The following NPIPA8 variants were observed in gnomAD, a reference collection of about 807,000 sequenced individuals.
NPIPA8 encodes the protein nuclear pore complex-interacting protein family member A8.
In NPIPA8, 1 loss-of-function variant was observed where a neutral mutation model predicts 7.1. The ratio of observed to expected loss-of-function variants is 0.14; its 90% confidence interval spans 0.05 to 0.66. The LOEUF (loss-of-function observed/expected upper bound fraction) is 0.66. NPIPA8 is among the 30% of genes least tolerant of loss of function. The pLI is 0.84.
upstream of NPIPA8, among the ~76,000 whole-genome samples, chr16:18,336,145 G>T (rs1282660981): frequency 1.4e-3 from 156 of 111,894 alleles, no homozygotes; most frequent in African/African-American, 5.6e-3. Flanking sequence ...TATATAGATG[G>T]GGTCTTGCTA....
At chr16:18,323,851 G>GAGAA (rs1900056931) in intron 4 of NPIPA8, among the ~76,000 whole-genome samples, 1 of 88,462 alleles carries the variant, frequency 1.1e-5, no homozygotes, top group African/African-American at 3.7e-5. Context: ...AAAAAAAAGA[G>GAGAA]AAAGGAAAAC....
rs532745013 is a variant in NPIPA8, at chr16:18,324,783, G to A, written c.193-285C>T. The stretch of plus-strand genomic sequence containing the variant: ...CACACCACTGCACTCCAGCCTGAGC[G>A]ACAGAATGAGACTCTGTCACACACA... On this transcript the variant is annotated intron_variant, in intron 2 of 7. Transcript: ENST00000541810. Among the ~76,000 whole-genome samples, 5 of 66,544 alleles carry A rather than the reference G, an allele frequency of 7.5e-5. 1 individual carries two copies. Among genetic ancestry groups the A allele is most frequent in the South Asian group, 9.4e-4 (2 of 2,126 alleles). The allele number at this position is 66,544 out of a possible 152,430, so 43.7% of individuals were successfully genotyped here.
chr16:18,335,603 C>T (rs1900159064), upstream of NPIPA8, among the ~76,000 whole-genome samples: 3 of 107,410 alleles, frequency 2.8e-5, no homozygotes, highest in Admixed American at 2.5e-4. Context: ...TATGCGCCTT[C>T]TCTGTGTGCT....
chr16:18,335,873 T>C (rs1900168738), upstream of NPIPA8, among the ~76,000 whole-genome samples: 1 of 134,252 alleles, frequency 7.4e-6, no homozygotes, highest in Admixed American at 7.4e-5. Context: ...CAGGATGGAG[T>C]GCAGTGGCGC....
intron 4 of NPIPA8, among the ~76,000 whole-genome samples, chr16:18,323,305 C>T (rs1389206812): frequency 6.1e-4 from 3 of 4,950 alleles, no homozygotes; most frequent in East Asian, 4.3e-3. Flanking sequence ...ATCATGCCAC[C>T]GCACTCTAGC....
At chr16:18,335,323 G>T (rs1289975845), upstream of NPIPA8, among the ~76,000 whole-genome samples, 6 of 39,536 alleles carry the variant, frequency 1.5e-4, no homozygotes, top group South Asian at 1.0e-3. Context: ...TCAGCCTCCT[G>T]AGTAGCTGGG....
upstream of NPIPA8, among the ~76,000 whole-genome samples, chr16:18,336,100 G>A (rs1478450461): frequency 1.3e-5 from 2 of 148,406 alleles, no homozygotes; most frequent in African/African-American, 5.0e-5. Context: ...GGGATTACAG[G>A]CGTGAGCCAC....
intron 4 of NPIPA8, among the ~76,000 whole-genome samples, 198 bp downstream of exon 6, chr16:18,323,893 G>GA (rs1490444343): frequency 1.5e-5 from 2 of 133,940 alleles, no homozygotes; most frequent in African/African-American, 5.2e-5. Flanking sequence ...CTCTTCCCCT[G>GA]AAAAAATGAC....
chr16:18,336,184 G>A (rs1430891226), upstream of NPIPA8, among the ~76,000 whole-genome samples: 1 of 109,234 alleles, frequency 9.2e-6, no homozygotes, highest in African/African-American at 4.0e-5. Flanking sequence ...CAAACTCCTG[G>A]ACTCAGATCC....
Position 18,323,847 on chromosome 16 carries a change from A to AAAAAAAAAAAAAAAAAAAAAAAAAG in NPIPA8, c.437+243_437+244insCTTTTTTTTTTTTTTTTTTTTTTTT, listed in dbSNP as rs750129798. ...AAAAAAAAAAAAAAAAAAAAAAAAA[A>AAAAAAAAAAAAAAAAAAAAAAAAAG]AGAGAAAGGAAAACCAATGCCAGTA... On this transcript the variant is annotated intron_variant, in intron 4 of 7. Coordinates refer to ENST00000541810, the Ensembl canonical transcript of NPIPA8. Among the ~76,000 whole-genome samples, 2 of 91,594 alleles carry AAAAAAAAAAAAAAAAAAAAAAAAAG rather than the reference A, an allele frequency of 2.2e-5. 1 individual carries two copies. Among genetic ancestry groups the AAAAAAAAAAAAAAAAAAAAAAAAAG allele is most frequent in the African/African-American group, 7.5e-5 (2 of 26,520 alleles). 60.1% of individuals were successfully genotyped at this position (91,594 alleles called of 152,430 possible).
At chr16:18,335,673 C>T (rs866874142), upstream of NPIPA8, among the ~76,000 whole-genome samples, 1,696 of 102,014 alleles carry the variant, frequency 0.017, 1 homozygote, top group South Asian at 0.018. Context: ...CTAAGGGGTG[C>T]GGCCTCCCGT....
upstream of NPIPA8, among the ~76,000 whole-genome samples, chr16:18,336,315 T>C (rs1900180950): frequency 1.0e-5 from 1 of 96,676 alleles, no homozygotes; most frequent in Non-Finnish European, 2.0e-5. Context: ...TGTACTGAGA[T>C]TTTCTTCTGG....
chr16:18,336,363 T>G (rs1900181792), upstream of NPIPA8: 2 of 56,046 alleles, frequency 3.6e-5, no homozygotes, highest in East Asian at 4.7e-4. Flanking sequence ...CGTGCTTGCT[T>G]CTTCTGAGTT....
chr16:18,323,847 A>AAAAAAAAAAAAAAAAAAAAAG (rs750129798), intron 4 of NPIPA8, among the ~76,000 whole-genome samples: 11 of 91,640 alleles, frequency 1.2e-4, no homozygotes, highest in Non-Finnish European at 2.1e-4. Context: ...AAAAAAAAAA[A>AAAAAAAAAAAAAAAAAAAAAG]AGAGAAAGGA....
chr16:18,335,755 C>T (rs1195215497), upstream of NPIPA8, among the ~76,000 whole-genome samples: 2 of 132,992 alleles, frequency 1.5e-5, no homozygotes, highest in African/African-American at 6.3e-5. Flanking sequence ...GGTGTTAATT[C>T]TTCCTTAACT....
chr16:18,335,702 A>C (rs371050996), upstream of NPIPA8, among the ~76,000 whole-genome samples: 6 of 120,320 alleles, frequency 5.0e-5, no homozygotes, highest in African/African-American at 1.8e-4. Context: ...GAATGGGAAG[A>C]GTTCCCACCT....
chr16:18,323,819 GAAAAAAAA>G (rs1162097124), intron 4 of NPIPA8, among the ~76,000 whole-genome samples: 12 of 33,160 alleles, frequency 3.6e-4, no homozygotes, highest in Middle Eastern at 0.025. Context: ...CCCATCTCAG[GAAAAAAAA>G]AAAAAAAAAA....
At chr16:18,321,293 TA>T (rs1186898477) in intron 4 of NPIPA8, among the ~76,000 whole-genome samples, 169 bp from the exon 7 acceptor site, 2 of 62,242 alleles carry the variant, frequency 3.2e-5, no homozygotes, top group Admixed American at 1.7e-4. Context: ...CATTGAGGGA[TA>T]AAAAAAATCA....
upstream of NPIPA8, among the ~76,000 whole-genome samples, chr16:18,335,580 C>G (rs1424423818): frequency 2.1e-3 from 227 of 109,454 alleles, 10 homozygotes; most frequent in Admixed American, 6.2e-3. Flanking sequence ...AGCAACCCCT[C>G]CTGGTCGCGG....
Sources: allele counts gnomAD v4.1 joint callset (sites outside exome capture counted in the v4.1 genomes callset), GRCh38; gene constraint gnomAD v4.1.1; transcripts MANE v1.5; gene names NCBI Gene and HGNC (gene_info 2026-07-23, HGNC 2026-07-21).